The following HEMK2 variants were observed in gnomAD, a reference collection of about 807,000 sequenced individuals.
HEMK2 encodes the protein methyltransferase HEMK2.
the HEMK2 span, among the ~76,000 whole-genome samples, chr21:28,788,879 G>A: frequency 6.6e-6 from 1 of 152,056 alleles, no homozygotes; most frequent in African/African-American, 2.4e-5. Flanking sequence ...GTCCTTAGAA[G>A]AAGGCCATAT....
At chr21:28,808,254 C>T in the HEMK2 span, among the ~76,000 whole-genome samples, 1 of 152,182 alleles carries the variant, frequency 6.6e-6, no homozygotes, top group African/African-American at 2.4e-5. Context: ...TTCAGGACCA[C>T]ATTACCTTGC....
chr21:28,808,697 T>C, the HEMK2 span, among the ~76,000 whole-genome samples: 1 of 152,152 alleles, frequency 6.6e-6, no homozygotes. Flanking sequence ...GAAATAAAAT[T>C]GATCTTTTAC....
At chr21:28,717,091 T>C in the HEMK2 span, among the ~76,000 whole-genome samples, 1 of 152,196 alleles carries the variant, frequency 6.6e-6, no homozygotes, top group Non-Finnish European at 1.5e-5. Flanking sequence ...TTTTTCATTG[T>C]GTCTTTGCCA....
At chr21:28,601,596 C>T in the HEMK2 span, among the ~76,000 whole-genome samples, 1 of 142,474 alleles carries the variant, frequency 7.0e-6, no homozygotes, top group African/African-American at 2.6e-5. Flanking sequence ...CATTAGTCAC[C>T]TTCTGACATC....
the HEMK2 span, among the ~76,000 whole-genome samples, chr21:28,631,661 T>C: frequency 1.7e-4 from 26 of 152,326 alleles, no homozygotes; most frequent in African/African-American, 4.8e-4. Context: ...AGACTTTTTA[T>C]GTCAAGTACA....
the HEMK2 span, among the ~76,000 whole-genome samples, chr21:28,831,301 C>G: frequency 6.6e-6 from 1 of 151,206 alleles, no homozygotes; most frequent in African/African-American, 2.4e-5. Flanking sequence ...CAAAAATTAG[C>G]TGGGCGTGGT....
chr21:28,831,812 C>T, the HEMK2 span, among the ~76,000 whole-genome samples: 2 of 151,588 alleles, frequency 1.3e-5, no homozygotes, highest in Non-Finnish European at 2.9e-5. Flanking sequence ...TCCCTAATAC[C>T]TATATGCTGA....
chr21:28,734,632 T>C, the HEMK2 span, among the ~76,000 whole-genome samples: 1 of 152,212 alleles, frequency 6.6e-6, no homozygotes, highest in African/African-American at 2.4e-5. Flanking sequence ...ATTGAACCCA[T>C]GCCAGAGCTT....
the HEMK2 span, among the ~76,000 whole-genome samples, chr21:28,746,064 A>T: frequency 6.6e-6 from 1 of 152,272 alleles, no homozygotes; most frequent in East Asian, 1.9e-4. Context: ...TACTCTATCA[A>T]ATAACAGAAT....
At chr21:28,748,251 C>T in the HEMK2 span, among the ~76,000 whole-genome samples, 1 of 152,092 alleles carries the variant, frequency 6.6e-6, no homozygotes, top group South Asian at 2.1e-4. Flanking sequence ...ACATGTACCA[C>T]CTGAATCTAC....
At chr21:28,704,409 C>A in the HEMK2 span, among the ~76,000 whole-genome samples, 1 of 152,030 alleles carries the variant, frequency 6.6e-6, no homozygotes. Context: ...GCTTTTTTTA[C>A]GTCCTGGTAG....
the HEMK2 span, among the ~76,000 whole-genome samples, chr21:28,622,855 A>T: frequency 2.0e-4 from 31 of 152,336 alleles, no homozygotes; most frequent in Non-Finnish European, 3.5e-4. Flanking sequence ...AAAGACTTAA[A>T]CGTAAGACCT....
the HEMK2 span, among the ~76,000 whole-genome samples, chr21:28,840,821 C>T: frequency 6.7e-6 from 1 of 150,354 alleles, no homozygotes; most frequent in Non-Finnish European, 1.5e-5. Flanking sequence ...GTAGAAATAC[C>T]ATTTGATCCA....
the HEMK2 span, among the ~76,000 whole-genome samples, chr21:28,838,672 G>A: frequency 6.6e-6 from 1 of 151,558 alleles, no homozygotes; most frequent in African/African-American, 2.4e-5. Flanking sequence ...AGGCACAGTG[G>A]CTCACACCTG....
chr21:28,802,101 C>A, the HEMK2 span, among the ~76,000 whole-genome samples: 1 of 151,980 alleles, frequency 6.6e-6, no homozygotes, highest in African/African-American at 2.4e-5. Context: ...TTTATAACAG[C>A]AAAAGAGTAG....
At chr21:28,800,552 G>A in the HEMK2 span, among the ~76,000 whole-genome samples, 1 of 151,940 alleles carries the variant, frequency 6.6e-6, no homozygotes, top group Admixed American at 6.6e-5. Flanking sequence ...TATATCATAT[G>A]TATGTTTTAT....
the HEMK2 span, among the ~76,000 whole-genome samples, chr21:28,579,062 G>A: frequency 2.6e-5 from 4 of 152,162 alleles, no homozygotes; most frequent in Non-Finnish European, 5.9e-5. Flanking sequence ...ACTTTTGATT[G>A]TATTTGTAAC....
the HEMK2 span, among the ~76,000 whole-genome samples, chr21:28,708,178 C>T: frequency 4.0e-5 from 6 of 151,558 alleles, no homozygotes; most frequent in Non-Finnish European, 8.8e-5. Flanking sequence ...ATCTTCTTGA[C>T]ACAATGTTTT....
the HEMK2 span, among the ~76,000 whole-genome samples, chr21:28,754,832 T>C: frequency 6.6e-6 from 1 of 152,216 alleles, no homozygotes; most frequent in Admixed American, 6.5e-5. Context: ...TTAATGTGCC[T>C]GCAATAAGAA....
Sources: gnomAD v4.1 joint callset for allele counts (sites outside exome capture counted in the v4.1 genomes callset) on GRCh38, gnomAD v4.1.1 for gene constraint, MANE v1.5 for transcripts, NCBI Gene and HGNC (gene_info 2026-07-23, HGNC 2026-07-21) for gene names.